Variants in SAMD3 observed in about 807,000 individuals in gnomAD.
SAMD3 encodes the protein sterile alpha motif domain-containing protein 3.
Under a neutral mutation model 58.5 loss-of-function variants are expected in SAMD3, and 63 were observed. The observed-to-expected ratio is 1.08, with a 90% CI of 0.88 to 1.33. The LOEUF is 1.33. SAMD3 is among the 40% of genes most tolerant of loss of function. The pLI is 0.00. For synonymous variants in SAMD3, 220 were observed against 210.3 expected (o/e 1.05, Z -0.40); for missense variants, 604 against 608.4 (o/e 0.99, Z 0.08).
At chr6:130,270,009 A>G (rs115198016) in intron 2 of SAMD3, among the ~76,000 whole-genome samples, 265 of 152,036 alleles carry the variant, frequency 1.7e-3, no homozygotes, top group African/African-American at 6.1e-3. Flanking sequence ...TTTCATTTTA[A>G]TTTCATTGTG....
At chr6:130,262,069 A>T (rs1774160888) in intron 2 of SAMD3, among the ~76,000 whole-genome samples, 1 of 152,106 alleles carries the variant, frequency 6.6e-6, no homozygotes, top group Non-Finnish European at 1.5e-5. Context: ...TTAAGAAAAA[A>T]AAAATGGTGT....
chr6:130,278,296 C>G (rs1252803701), intron 2 of SAMD3, among the ~76,000 whole-genome samples: 19 of 152,130 alleles, frequency 1.2e-4, no homozygotes, highest in Admixed American at 1.2e-3. Flanking sequence ...CCAAATTATC[C>G]TTAAAAACTC....
At chr6:130,329,363 A>G (rs1413621393) in intron 1 of SAMD3, among the ~76,000 whole-genome samples, 3 of 152,052 alleles carry the variant, frequency 2.0e-5, no homozygotes, top group African/African-American at 4.8e-5. Flanking sequence ...CATCTGCCTG[A>G]TATCTTTACA....
intron 2 of SAMD3, among the ~76,000 whole-genome samples, chr6:130,264,819 C>T (rs1292131076): frequency 6.6e-6 from 1 of 152,088 alleles, no homozygotes; most frequent in Non-Finnish European, 1.5e-5. Context: ...CCTGGGGCTA[C>T]CTGACCTGAC....
chr6:130,215,895 G>C (rs1368910512), intron 2 of SAMD3: 1 of 1,437,578 alleles, frequency 7.0e-7, no homozygotes, highest in African/African-American at 1.4e-5. Context: ...TTTCTCTGGA[G>C]AATCTGAATG....
chr6:130,266,256 G>GT (rs1774352000), intron 2 of SAMD3, among the ~76,000 whole-genome samples: 1 of 152,120 alleles, frequency 6.6e-6, no homozygotes, highest in Admixed American at 6.5e-5. Flanking sequence ...CAAGAAATTT[G>GT]TTTTTGCAAT....
At chr6:130,316,491 A>T (rs1165665639) in intron 1 of SAMD3, among the ~76,000 whole-genome samples, 3 of 152,078 alleles carry the variant, frequency 2.0e-5, no homozygotes, top group Non-Finnish European at 4.4e-5. Flanking sequence ...TTATAATTAA[A>T]AAATAATAAT....
chr6:130,252,574 A>C (rs927114347), intron 2 of SAMD3, among the ~76,000 whole-genome samples: 4 of 152,206 alleles, frequency 2.6e-5, no homozygotes, highest in African/African-American at 9.6e-5. Context: ...ATTTCCGTAA[A>C]AACTTCAACT....
chr6:130,225,442 T>C (rs1582974749), upstream of SAMD3, among the ~76,000 whole-genome samples: 1 of 151,798 alleles, frequency 6.6e-6, no homozygotes. Context: ...ATCTGGTGAG[T>C]TTCAAGCTTT....
chr6:130,259,297 GGGCCTGA>G (rs201119027), intron 2 of SAMD3, among the ~76,000 whole-genome samples: 3,830 of 152,276 alleles, frequency 0.025, 65 homozygotes, highest in Non-Finnish European at 0.04. Context: ...TCTGGTGAGA[GGGCCTGA>G]GGCTCCTTCC....
chr6:130,224,854 A>G (rs925822520), upstream of SAMD3, among the ~76,000 whole-genome samples: 1 of 151,900 alleles, frequency 6.6e-6, no homozygotes, highest in Non-Finnish European at 1.5e-5. Flanking sequence ...TCCTGACCTC[A>G]TGAACCGCCT....
intron 9 of SAMD3, among the ~76,000 whole-genome samples, chr6:130,154,589 G>A (rs2114584158): frequency 6.6e-6 from 1 of 151,400 alleles, no homozygotes; most frequent in East Asian, 1.9e-4. Context: ...AGCTACTCAG[G>A]AGGCTGAGGC....
chr6:130,224,302 A>G (rs1796323594), upstream of SAMD3, among the ~76,000 whole-genome samples: 1 of 151,916 alleles, frequency 6.6e-6, no homozygotes, highest in African/African-American at 2.4e-5. Flanking sequence ...TGCTTTTGGA[A>G]AATGCAACAT....
chr6:130,170,811 G>A (rs1004744853), intron 8 of SAMD3, among the ~76,000 whole-genome samples: 2 of 152,198 alleles, frequency 1.3e-5, no homozygotes, highest in African/African-American at 4.8e-5. Context: ...AGAATTTGCT[G>A]AAGTTGTTTA....
chr6:130,223,750 G>A (rs1455111659), upstream of SAMD3, among the ~76,000 whole-genome samples: 5 of 152,170 alleles, frequency 3.3e-5, 1 homozygote, highest in African/African-American at 1.2e-4. Context: ...GCATGCAGAC[G>A]GGCAGGTCAT....
In SAMD3 at chr6:130,231,684, G is replaced by C. The variant is rs139103864; in HGVS notation, c.-187-8871C>G. Among the ~76,000 whole-genome samples, 12 of 152,322 alleles carry C rather than the reference G, an allele frequency of 7.9e-5. No individual in the cohort carries two copies. The East Asian group carries it at 2.1e-3, about 27-fold the overall frequency. On this transcript the variant is annotated intron_variant, in intron 2 of 13. Transcript: ENST00000368134. ...GTTTAAATTGTTTCTGTGTGTATGT[G>C]TATGTGTGTTATTAAAAACAATGCT...
chr6:130,270,716 T>C (rs6941691), intron 2 of SAMD3, among the ~76,000 whole-genome samples: 47,261 of 152,064 alleles, frequency 0.31, 7,718 homozygotes, highest in East Asian at 0.47. Flanking sequence ...ATCTATTTTA[T>C]TGATTTTGAT....
Position 130,339,737 on chromosome 6 carries a change from T to C in SAMD3, c.-304+25383A>G, listed in dbSNP as rs529825630. On this transcript the variant is annotated intron_variant, in intron 1 of 13. Transcript: ENST00000368134. ...TTTATTCCATGCTCTTTCTCCTTTC[T>C]AAACTCCTCTTTCAGAAAATAGGAC... 9.2e-5 allele frequency among the ~76,000 whole-genome samples: 14 copies of C among 152,344 alleles called. No homozygotes were observed. In the East Asian group the frequency reaches 2.7e-3, roughly 29 times the overall value.
chr6:130,245,059 A>G (rs1352241643), intron 2 of SAMD3, among the ~76,000 whole-genome samples: 1 of 152,222 alleles, frequency 6.6e-6, no homozygotes, highest in Non-Finnish European at 1.5e-5. Flanking sequence ...GTAAAAGTCA[A>G]CAAATTCATT....
Sources: allele counts gnomAD v4.1 joint callset (sites outside exome capture counted in the v4.1 genomes callset), GRCh38; gene constraint gnomAD v4.1.1; transcripts MANE v1.5; gene names NCBI Gene and HGNC (gene_info 2026-07-23, HGNC 2026-07-21).